PLCE1: variants seen among roughly 807,000 people sequenced by gnomAD.
PLCE1 encodes phospholipase C epsilon 1.
PLCE1 carries 119 observed loss-of-function variants against 242.8 expected under a neutral mutation model. The observed-to-expected ratio is 0.49, with a 90% CI of 0.42 to 0.57. PLCE1 has a LOEUF of 0.57. PLCE1 is among the 20% of genes least tolerant of loss of function. PLCE1 has a pLI of 0.00. For missense variants in PLCE1, 2,441 were observed against 2,788.8 expected (o/e 0.88, Z 2.81); for synonymous variants, 945 against 1,017.4 (o/e 0.93, Z 1.35).
At position 94,331,750 on chromosome 10, in the gene PLCE1, C is replaced by G. The variant is rs1203796710; in HGVS notation, c.*3807C>G. 1 of 152,152 alleles carries G rather than the reference C, an allele frequency of 6.6e-6. No homozygotes were observed. The highest frequency in any genetic ancestry group is 1.5e-5 in the Non-Finnish European group (1 of 68,040). The allele number at this position is 152,152 out of a possible 1,614,324, so 9.4% of individuals were successfully genotyped here. A position where few individuals can be genotyped will look rare whatever the true frequency, so the allele number is the denominator to read the frequency against. On this transcript the variant is annotated 3_prime_UTR_variant, in exon 33 of 33. Coordinates refer to ENST00000371380, the MANE Select transcript of PLCE1 (RefSeq NM_016341.4). The stretch of plus-strand genomic sequence containing the variant: ...TAATAATTTATGTGTTCTCTGCCAT[C>G]CTTATGTAGCAGCTTCCTAAAAGCA...
intron 30 of PLCE1, among the ~76,000 whole-genome samples, chr10:94,324,126 T>C (rs754184390): frequency 6.6e-6 from 1 of 152,192 alleles, no homozygotes; most frequent in African/African-American, 2.4e-5. Context: ...TTCAGGATAA[T>C]AACACCTAAT....
At chr10:94,194,975 A>G (rs1319592320) in intron 4 of PLCE1, among the ~76,000 whole-genome samples, 1 of 152,168 alleles carries the variant, frequency 6.6e-6, no homozygotes, top group African/African-American at 2.4e-5. Context: ...GAACTCCTTG[A>G]TGATTACAAA....
intron 2 of PLCE1, among the ~76,000 whole-genome samples, chr10:94,085,249 G>A (rs2044773591): frequency 6.6e-6 from 1 of 152,130 alleles, no homozygotes; most frequent in South Asian, 2.1e-4. Flanking sequence ...GGGTCCTAGT[G>A]GTAGAGAGGC....
intron 22 of PLCE1, 70 bp from the exon 23 acceptor site, chr10:94,293,438 T>C (rs1428466446): frequency 2.0e-6 from 3 of 1,531,844 alleles, no homozygotes; most frequent in Non-Finnish European, 2.7e-6. Flanking sequence ...TAAATATTAA[T>C]GGGGATGGAA....
chr10:94,232,669 G>C (rs1267892315), intron 5 of PLCE1, among the ~76,000 whole-genome samples: 1 of 152,014 alleles, frequency 6.6e-6, no homozygotes, highest in African/African-American at 2.4e-5. Flanking sequence ...CACCCCCTGG[G>C]GTCCTGTCCT....
At chr10:94,089,160 C>T (rs770158413) in intron 2 of PLCE1, 12 of 1,613,838 alleles carry the variant, frequency 7.4e-6, no homozygotes, top group African/African-American at 2.7e-5. Flanking sequence ...GGCAGCTCCA[C>T]GTGAGATTCT....
chr10:94,102,909 G>A (rs1417753229), intron 2 of PLCE1, among the ~76,000 whole-genome samples: 1 of 152,148 alleles, frequency 6.6e-6, no homozygotes, highest in Non-Finnish European at 1.5e-5. Flanking sequence ...TAACCACTCA[G>A]GCATAGTTTA....
chr10:94,191,455 G>A (rs1301787367), intron 4 of PLCE1, among the ~76,000 whole-genome samples: 3 of 152,042 alleles, frequency 2.0e-5, no homozygotes, highest in Admixed American at 6.6e-5. Context: ...GAGCCTGGGC[G>A]ACATAGCGAG....
chr10:94,177,057 C>T (rs769155108), intron 4 of PLCE1, among the ~76,000 whole-genome samples: 27 of 152,280 alleles, frequency 1.8e-4, no homozygotes, highest in African/African-American at 5.5e-4. Flanking sequence ...CCCAGAACCA[C>T]GCTTATGAGC....
At chr10:94,318,111 C>T (rs1265076569) in intron 29 of PLCE1, among the ~76,000 whole-genome samples, 1 of 152,192 alleles carries the variant, frequency 6.6e-6, no homozygotes, top group Non-Finnish European at 1.5e-5. Flanking sequence ...GAGCCACTGC[C>T]TTCTTTCCCT....
At chr10:94,087,001 A>G (rs1307106639) in intron 2 of PLCE1, among the ~76,000 whole-genome samples, 1 of 152,096 alleles carries the variant, frequency 6.6e-6, no homozygotes, top group East Asian at 1.9e-4. Context: ...TCTTGTTTGG[A>G]TGCATAAATT....
At position 94,150,678 on chromosome 10, in the gene PLCE1, C is replaced by T. The variant is rs117225257; in HGVS notation, c.1492+18219C>T. On this transcript the variant is annotated intron_variant, in intron 3 of 32. Transcript: ENST00000371380. ...AGCTGGGAGTTCACAGGAGGTTGAC[C>T]AGATGGCCTGCTGTTCTGAGTGATT... Among the ~76,000 whole-genome samples the T allele has an allele frequency of 4.8e-3, 729 of 152,226 alleles. 1 individual carries two copies. The highest frequency in any genetic ancestry group is 6.8e-3 in the Middle Eastern group (2 of 294).
intron 4 of PLCE1, among the ~76,000 whole-genome samples, chr10:94,196,160 G>A (rs1323284705): frequency 6.6e-6 from 1 of 152,088 alleles, no homozygotes; most frequent in Non-Finnish European, 1.5e-5. Context: ...TAATGTATAA[G>A]GTGCATTGTA....
At chr10:94,135,078 A>G (rs1449525813) in intron 3 of PLCE1, among the ~76,000 whole-genome samples, 1 of 152,126 alleles carries the variant, frequency 6.6e-6, no homozygotes, top group South Asian at 2.1e-4. Flanking sequence ...AGTTAAACAT[A>G]TTCCTTTAAC....
chr10:94,113,027 G>A (rs2046002798), intron 2 of PLCE1, among the ~76,000 whole-genome samples: 3 of 152,076 alleles, frequency 2.0e-5, no homozygotes, highest in African/African-American at 7.2e-5. Context: ...AAGAAGCCAG[G>A]GATTATATGA....
chr10:93,995,023 C>A (rs2060794390), intron 1 of PLCE1, among the ~76,000 whole-genome samples: 1 of 152,146 alleles, frequency 6.6e-6, no homozygotes, highest in African/African-American at 2.4e-5. Flanking sequence ...TAGATCTCTG[C>A]AGGATTGGTA....
At chr10:94,258,720 CT>C in intron 11 of PLCE1, 79 bp from the exon 12 acceptor site, 1 of 1,563,528 alleles carries the variant, frequency 6.4e-7, no homozygotes, top group Non-Finnish European at 8.8e-7. Context: ...GCTCATATTG[CT>C]AATTGGAGCA....
intron 2 of PLCE1, among the ~76,000 whole-genome samples, chr10:94,049,783 C>G (rs1173048673): frequency 6.6e-6 from 1 of 152,172 alleles, no homozygotes; most frequent in Non-Finnish European, 1.5e-5. Context: ...CAGTGTCTCT[C>G]TCCCTCCCAC....
chr10:94,239,587 G>A (rs1224407571), intron 7 of PLCE1, among the ~76,000 whole-genome samples: 1 of 152,156 alleles, frequency 6.6e-6, no homozygotes, highest in East Asian at 1.9e-4. Flanking sequence ...GGAGGTTCCA[G>A]CACTTAAGTG....
Sources: gnomAD v4.1 joint callset for allele counts (sites outside exome capture counted in the v4.1 genomes callset) on GRCh38, gnomAD v4.1.1 for gene constraint, MANE v1.5 for transcripts, NCBI Gene and HGNC (gene_info 2026-07-23, HGNC 2026-07-21) for gene names.